Variants in LRRFIP2 observed in about 807,000 individuals in gnomAD.
LRRFIP2 encodes leucine-rich repeat flightless-interacting protein 2.
LRRFIP2 carries 109 observed loss-of-function variants against 125.9 expected under a neutral mutation model. The observed-to-expected ratio is 0.87, with a 90% CI of 0.74 to 1.01. The LOEUF is 1.01. Ranked by LOEUF, LRRFIP2 falls within the 50% of genes least tolerant of loss-of-function variation. The pLI is 0.00. For missense variants in LRRFIP2, 850 were observed against 862.3 expected (o/e 0.99, Z 0.18); for synonymous variants, 291 against 293.1 (o/e 0.99, Z 0.07).
At chr3:37,065,303 A>G in intron 23 of LRRFIP2, 1 of 251,362 alleles carries the variant, frequency 4.0e-6, no homozygotes. Context: ...TTTAGACTTT[A>G]AGAGTCTGGG....
chr3:37,141,114 G>A (rs907341024), intron 2 of LRRFIP2, among the ~76,000 whole-genome samples: 1 of 152,134 alleles, frequency 6.6e-6, no homozygotes, highest in African/African-American at 2.4e-5. Flanking sequence ...TTGCACCACT[G>A]CACTATAGCC....
chr3:37,055,313 C>T, intron 25 of LRRFIP2, 148 bp from the exon 26 acceptor site: 2 of 509,500 alleles, frequency 3.9e-6, no homozygotes, highest in South Asian at 3.1e-5. Flanking sequence ...GCCTGTAATC[C>T]CAGCATTTTG....
intron 2 of LRRFIP2, among the ~76,000 whole-genome samples, chr3:37,141,839 T>C (rs2095709980): frequency 6.6e-6 from 1 of 152,186 alleles, no homozygotes; most frequent in Non-Finnish European, 1.5e-5. Context: ...TTTGGCACTC[T>C]AAGTAGCTAC....
intron 15 of LRRFIP2, among the ~76,000 whole-genome samples, chr3:37,099,948 T>C (rs1210776259): frequency 6.6e-6 from 1 of 152,166 alleles, no homozygotes; most frequent in Non-Finnish European, 1.5e-5. Flanking sequence ...TTAAAAATCA[T>C]AATATTTCAT....
chr3:37,084,767 A>C (rs1252136202), intron 18 of LRRFIP2, among the ~76,000 whole-genome samples: 1 of 152,204 alleles, frequency 6.6e-6, no homozygotes, highest in Admixed American at 6.5e-5. Context: ...ACATATCTCA[A>C]AATTTTCTGC....
chr3:37,089,563 G>A (rs1455200902), intron 18 of LRRFIP2, among the ~76,000 whole-genome samples: 2 of 152,018 alleles, frequency 1.3e-5, no homozygotes, highest in Non-Finnish European at 2.9e-5. Context: ...AAGGATAAAC[G>A]TAATCTGAAG....
At chr3:37,110,732 T>G (rs1442173552) in intron 9 of LRRFIP2, among the ~76,000 whole-genome samples, 2 of 152,146 alleles carry the variant, frequency 1.3e-5, no homozygotes, top group Non-Finnish European at 2.9e-5. Context: ...GTTCACTGTA[T>G]TATTCCTTGA....
intron 2 of LRRFIP2, among the ~76,000 whole-genome samples, chr3:37,142,500 C>G (rs571214591): frequency 3.3e-5 from 5 of 152,104 alleles, no homozygotes; most frequent in Non-Finnish European, 5.9e-5. Context: ...AATGAGAACA[C>G]AAAAAATAAA....
At chr3:37,110,876 A>C in intron 9 of LRRFIP2, 115 bp downstream of exon 9, 1 of 773,204 alleles carries the variant, frequency 1.3e-6, no homozygotes, top group Non-Finnish European at 2.1e-6. Context: ...ACCAAAAACT[A>C]GTATATACGT....
intron 18 of LRRFIP2, among the ~76,000 whole-genome samples, chr3:37,087,181 G>C (rs2093111313): frequency 6.6e-6 from 1 of 152,160 alleles, no homozygotes; most frequent in South Asian, 2.1e-4. Context: ...TCATAAACCA[G>C]AATTAAGTTG....
intron 4 of LRRFIP2, among the ~76,000 whole-genome samples, chr3:37,126,020 T>C (rs1019288577): frequency 6.6e-6 from 1 of 151,226 alleles, no homozygotes; most frequent in African/African-American, 2.4e-5. Flanking sequence ...TTTTTTGTTG[T>C]TGTTGTTGTT....
chr3:37,069,058 G>A (rs1280975197), intron 21 of LRRFIP2, among the ~76,000 whole-genome samples: 1 of 152,176 alleles, frequency 6.6e-6, no homozygotes, highest in Non-Finnish European at 1.5e-5. Flanking sequence ...AAAGTCAAGG[G>A]AGGACCACTG....
At chr3:37,100,407 T>C (rs1447539480) in intron 15 of LRRFIP2, among the ~76,000 whole-genome samples, 2 of 150,352 alleles carry the variant, frequency 1.3e-5, no homozygotes, top group Non-Finnish European at 3.0e-5. Flanking sequence ...TGTGTATGTA[T>C]ATATACATAT....
chr3:37,103,509 C>T (rs1159644627), intron 14 of LRRFIP2, among the ~76,000 whole-genome samples: 1 of 152,082 alleles, frequency 6.6e-6, no homozygotes, highest in African/African-American at 2.4e-5. Flanking sequence ...AAATGTAAGA[C>T]AAAATAATGA....
rs1392224665 is a variant in LRRFIP2, at chr3:37,149,056, A to T, written c.-55-18T>A. ...TTTCAGCCCTGAAGTAAACAAAAACATAATAACTTAAGGTATTTCTTTGTG... is the reference window on the plus strand; with the variant it reads ...TTTCAGCCCTGAAGTAAACAAAAACTTAATAACTTAAGGTATTTCTTTGTG... On this transcript the variant is annotated intron_variant, in intron 1 of 27. Transcript: ENST00000336686. 3 of 1,579,818 alleles carry T rather than the reference A, an allele frequency of 1.9e-6. No individual in the cohort carries two copies. The African/African-American group carries it at 4.1e-5, about 22-fold the overall frequency.
chr3:37,102,907 C>CCATG lies in LRRFIP2; in HGVS notation c.873+13_873+16dup, dbSNP rs773642903. ...GCCTGGGACAACATAACCAACCACC[C>CCATG]CATGCAATACACTCACGCTGGACAA... On this transcript the variant is annotated intron_variant, in intron 15 of 27. Transcript: ENST00000336686. The CCATG allele has an allele frequency of 6.6e-7, 1 of 1,525,128 alleles. No individual in the cohort carries two copies. The highest frequency in any genetic ancestry group is 8.9e-7 in the Non-Finnish European group (1 of 1,125,870). The allele number at this position is 1,525,128 out of a possible 1,614,324, so 94.5% of individuals were successfully genotyped here. A position where few individuals can be genotyped will look rare whatever the true frequency, so the allele number is the denominator to read the frequency against.
intron 1 of LRRFIP2, among the ~76,000 whole-genome samples, chr3:37,156,800 G>A (rs2096213934): frequency 6.7e-6 from 1 of 149,162 alleles, no homozygotes; most frequent in African/African-American, 2.5e-5. Context: ...GGTAATCATA[G>A]CACTGAAGAA....
chr3:37,130,862 T>G (rs1340314672), intron 2 of LRRFIP2, among the ~76,000 whole-genome samples: 2 of 152,156 alleles, frequency 1.3e-5, no homozygotes, highest in African/African-American at 4.8e-5. Context: ...ACGTTCTACC[T>G]TAATAGAAAA....
Position 37,053,418 on chromosome 3 carries a change from C to T in LRRFIP2, c.*433G>A, listed in dbSNP as rs2085978647. 1 of 156,244 alleles carries T rather than the reference C, an allele frequency of 6.4e-6. No homozygotes were observed. Among genetic ancestry groups the T allele is most frequent in the South Asian group, 2.0e-4 (1 of 5,078 alleles). The allele number at this position is 156,244 out of a possible 1,614,324, so 9.7% of individuals were successfully genotyped here. On this transcript the variant is annotated 3_prime_UTR_variant, in exon 28 of 28. Coordinates refer to ENST00000336686, the MANE Select transcript of LRRFIP2 (RefSeq NM_006309.4). The stretch of plus-strand genomic sequence containing the variant: ...ATTAAGGGTAAATGTCTTTTGACCA[C>T]TGGAGATCACTGAAGTCTGAATTGC...
Sources: allele counts gnomAD v4.1 joint callset (sites outside exome capture counted in the v4.1 genomes callset), GRCh38; gene constraint gnomAD v4.1.1; transcripts MANE v1.5; gene names NCBI Gene and HGNC (gene_info 2026-07-23, HGNC 2026-07-21).